Variants in EPSTI1 observed in about 807,000 individuals in gnomAD.
The protein encoded by EPSTI1 is epithelial-stromal interaction protein 1.
EPSTI1 carries 66 observed loss-of-function variants against 49.9 expected under a neutral mutation model. The observed-to-expected ratio is 1.32, with a 90% confidence interval of 1.08 to 1.62. EPSTI1 has a LOEUF of 1.62. Among genes scored for constraint, EPSTI1 ranks in the 40% most tolerant of loss-of-function variants. EPSTI1 has a pLI of 0.00. For missense variants in EPSTI1, 394 were observed against 365.5 expected, an observed-to-expected ratio of 1.08 and a Z score of -0.64; for synonymous variants, 137 against 130.7, an observed-to-expected ratio of 1.05 and a Z score of -0.33.
At chr13:42,951,115 C>G (rs1481455341) in intron 6 of EPSTI1, among the ~76,000 whole-genome samples, 1 of 152,120 alleles carries the variant, frequency 6.6e-6, no homozygotes, top group Non-Finnish European at 1.5e-5. Flanking sequence ...CAAGACCAAG[C>G]CATTGCACTC....
intron 9 of EPSTI1, among the ~76,000 whole-genome samples, chr13:42,895,817 G>T (rs1231768280): frequency 6.6e-6 from 1 of 152,164 alleles, no homozygotes; most frequent in African/African-American, 2.4e-5. Context: ...ACTGCAATAG[G>T]TACCCTATGA....
chr13:42,968,973 AAGC>A, intron 3 of EPSTI1, 118 bp downstream of exon 3: 2 of 878,100 alleles, frequency 2.3e-6, no homozygotes, highest in Non-Finnish European at 3.6e-6. Context: ...CATTCCACCC[AAGC>A]AGCACAATGA....
chr13:42,892,239 G>A (rs932178801), intron 10 of EPSTI1, among the ~76,000 whole-genome samples: 2 of 152,198 alleles, frequency 1.3e-5, no homozygotes, highest in East Asian at 1.9e-4. Flanking sequence ...CAAGTGATTT[G>A]GGGGTGGCGA....
At chr13:42,955,220 T>G (rs947274782) in intron 5 of EPSTI1, among the ~76,000 whole-genome samples, 3 of 152,176 alleles carry the variant, frequency 2.0e-5, no homozygotes, top group Non-Finnish European at 4.4e-5. Flanking sequence ...AAATCCTGAC[T>G]GATGAGCACA....
Position 42,992,069 on chromosome 13 carries a change from C to G in EPSTI1, c.97G>C (p.Glu33Gln), listed in dbSNP as rs757219997. 1.9e-6 allele frequency: 3 copies of G among 1,613,340 alleles called. No individual in the cohort carries two copies. In the East Asian group the frequency reaches 6.7e-5, roughly 36 times the overall value. ...DPQDPSGRQG[E>Q]LSPVEDQREG... ...CTCTGGTCTTCCACGGGGCTCAGCT[C>G]CCCTTGCCGCCCAGAAGGGTCCTGG... Residue 33 changes from glutamate (E) to glutamine (Q), a missense_variant, in exon 1 of 11, where the codon GAG (glutamate) becomes CAG (glutamine). Transcript: ENST00000313624.
Position 42,969,107 on chromosome 13 carries a change from C to T in EPSTI1, c.318G>A (p.Val106=), listed in dbSNP as rs1231828523. ...GTGCTTGCTTACCTAGCCGTCTGGG[C>T]ACCAGGTGAACCGGTTTAGCTCTGT... is the stretch of plus-strand genomic sequence containing the variant. The part of the protein sequence containing the change: ...EQNRAKPVHL[V]PRRLGGSQSE... Residue 106 remains valine, a synonymous_variant, in exon 3 of 11, where the codon GTG becomes GTA. Transcript: ENST00000313624. 1 of 1,614,058 alleles carries T rather than the reference C, an allele frequency of 6.2e-7. No homozygotes were observed. The highest frequency in any genetic ancestry group is 2.2e-5 in the East Asian group (1 of 44,902).
rs574201336 is a variant in EPSTI1 at position 42,912,582 on chromosome 13, G to GA, written c.741+4958dup. Among the ~76,000 whole-genome samples the GA allele has an allele frequency of 1.4e-4, 21 of 151,750 alleles. No homozygotes were observed. The East Asian group carries it at 1.5e-3, about 11-fold the overall frequency. On this transcript the variant is annotated intron_variant, in intron 8 of 10. Transcript: ENST00000313624. ...TGGGAGATAAAGATTAAAATGGAAA[G>GA]AAAAAAACAGTTAATATGGTAAATA...
intron 2 of EPSTI1, chr13:42,970,127 G>A (rs1006170762): frequency 5.9e-5 from 9 of 152,218 alleles, no homozygotes; most frequent in Admixed American, 2.0e-4. Context: ...GGAGACCATC[G>A]AATTTCAGCA....
At chr13:42,969,689 C>T (rs1379712567) in intron 2 of EPSTI1, 1 of 158,098 alleles carries the variant, frequency 6.3e-6, no homozygotes, top group Non-Finnish European at 1.4e-5. Context: ...GTTTCAGGCA[C>T]TCCAGACCAC....
intron 1 of EPSTI1, among the ~76,000 whole-genome samples, chr13:42,972,200 G>A (rs899124527): frequency 2.6e-5 from 4 of 152,098 alleles, no homozygotes; most frequent in Non-Finnish European, 5.9e-5. Flanking sequence ...GTGGTATAGA[G>A]CTTCTCTCTA....
At chr13:42,958,103 C>T (rs1429113754) in intron 5 of EPSTI1, among the ~76,000 whole-genome samples, 2 of 152,122 alleles carry the variant, frequency 1.3e-5, no homozygotes, top group Non-Finnish European at 2.9e-5. Flanking sequence ...CGTTGGTGAT[C>T]TTAGGTAGAT....
At chr13:42,925,715 C>T (rs1349990427) in intron 7 of EPSTI1, among the ~76,000 whole-genome samples, 1 of 152,214 alleles carries the variant, frequency 6.6e-6, no homozygotes, top group East Asian at 1.9e-4. Flanking sequence ...TACCTTAATT[C>T]TTGCTCTATG....
intron 10 of EPSTI1, among the ~76,000 whole-genome samples, chr13:42,889,734 TCTTA>T (rs1450170059): frequency 2.4e-4 from 37 of 152,350 alleles, no homozygotes; most frequent in Non-Finnish European, 4.4e-4. Flanking sequence ...TGGCCTCTCC[TCTTA>T]CTTTTGTATG....
intron 5 of EPSTI1, among the ~76,000 whole-genome samples, chr13:42,960,340 T>G (rs566790593): frequency 5.3e-5 from 8 of 152,292 alleles, no homozygotes; most frequent in Non-Finnish European, 1.0e-4. Flanking sequence ...TGTGATTTAC[T>G]CCCATAGCAC....
At chr13:42,941,179 G>A (rs1049095688) in intron 6 of EPSTI1, among the ~76,000 whole-genome samples, 1 of 152,024 alleles carries the variant, frequency 6.6e-6, no homozygotes, top group South Asian at 2.1e-4. Flanking sequence ...TTATTGTGTT[G>A]ATTCAATACA....
intron 1 of EPSTI1, among the ~76,000 whole-genome samples, chr13:42,979,276 T>A (rs548862283): frequency 6.6e-6 from 1 of 152,186 alleles, no homozygotes; most frequent in Non-Finnish European, 1.5e-5. Context: ...TTTCCCCCAA[T>A]GTTTTAAGAA....
At chr13:42,942,210 T>C (rs1244212733) in intron 6 of EPSTI1, among the ~76,000 whole-genome samples, 1 of 152,220 alleles carries the variant, frequency 6.6e-6, no homozygotes, top group African/African-American at 2.4e-5. Context: ...GATTTATAGA[T>C]ATTCTTTGTA....
At chr13:42,977,371 A>C (rs908869362) in intron 1 of EPSTI1, among the ~76,000 whole-genome samples, 62 of 152,376 alleles carry the variant, frequency 4.1e-4, no homozygotes, top group African/African-American at 1.5e-3. Flanking sequence ...TGCCCAATTA[A>C]AAGACTACAG....
chr13:42,940,923 T>A (rs907351494), intron 6 of EPSTI1, among the ~76,000 whole-genome samples: 1 of 152,214 alleles, frequency 6.6e-6, no homozygotes, highest in Non-Finnish European at 1.5e-5. Flanking sequence ...AATTTTTGAG[T>A]TGTTATTTTC....
Sources: gnomAD v4.1 joint callset for allele counts (sites outside exome capture counted in the v4.1 genomes callset) on GRCh38, gnomAD v4.1.1 for gene constraint, MANE v1.5 for transcripts, NCBI Gene and HGNC (gene_info 2026-07-23, HGNC 2026-07-21) for gene names.